The following BTAF1 variants were observed in gnomAD, a reference collection of about 807,000 sequenced individuals.
The protein encoded by BTAF1 is B-TFIID TATA-box binding protein associated factor 1.
A neutral mutation model predicts 227.1 loss-of-function variants in BTAF1; 38 were observed. The observed-to-expected ratio is 0.17, with a 90% CI of 0.13 to 0.22. The LOEUF is 0.22. Ranked by LOEUF, BTAF1 falls within the 10% of genes least tolerant of loss-of-function variation. The pLI is 1.00. For missense variants in BTAF1, 1,598 were observed against 2,204.0 expected, an observed-to-expected ratio of 0.73 and a Z score of 5.51; for synonymous variants, 742 against 751.9, an observed-to-expected ratio of 0.99 and a Z score of 0.21.
chr10:92,001,683 C>A (rs1213556859), intron 25 of BTAF1, among the ~76,000 whole-genome samples: 1 of 151,984 alleles, frequency 6.6e-6, no homozygotes, highest in African/African-American at 2.4e-5. Flanking sequence ...AATACAGCAC[C>A]CAACAACATA....
chr10:91,954,553 GT>G (rs372549424), intron 6 of BTAF1, among the ~76,000 whole-genome samples: 18 of 147,504 alleles, frequency 1.2e-4, no homozygotes, highest in African/African-American at 1.5e-4. Flanking sequence ...AAAAAATGCT[GT>G]TTTTTTTTTG....
Position 91,959,805 on chromosome 10 carries a change from G to A in BTAF1, c.1011G>A (p.Glu337=). The change falls in exon 10 of 38, where the codon GAG becomes GAA. Residue 337 remains glutamate, a synonymous_variant. Coordinates refer to ENST00000265990, the MANE Select transcript of BTAF1 (RefSeq NM_003972.3). ...AACAGATGATTCAGCAGCATCAAGA[G>A]TGGTTGGAAGACTTGGTTATTAGAC... is the stretch of plus-strand genomic sequence containing the variant. ...TLEEMIQQHQ[E]WLEDLVIRLL... 1 of 1,592,202 alleles carries A rather than the reference G, an allele frequency of 6.3e-7. No individual in the cohort carries two copies. Among genetic ancestry groups the A allele is most frequent in the Non-Finnish European group, 8.5e-7 (1 of 1,169,834 alleles).
Position 91,956,619 on chromosome 10 carries a change from A to T in BTAF1, c.793A>T (p.Ile265Phe). ...GTCTGCAAATGATTCCAAAGTCTTG[A>T]TTGATAATATTCCAGACAGCTCTTC... The part of the protein sequence containing the change: ...NQSANDSKVL[I>F]DNIPDSSSLI... The change falls in exon 7 of 38, where the codon ATT becomes TTT. Residue 265 changes from isoleucine to phenylalanine, a missense_variant. By Grantham distance (21) the Ile-to-Phe change is conservative. Coordinates refer to ENST00000265990, the MANE Select transcript of BTAF1 (RefSeq NM_003972.3). The T allele has an allele frequency of 6.2e-7, 1 of 1,610,200 alleles. No homozygotes were observed. The highest frequency in any genetic ancestry group is 8.5e-7 in the Non-Finnish European group (1 of 1,178,864).
intron 34 of BTAF1, among the ~76,000 whole-genome samples, chr10:92,019,943 A>G (rs902120043): frequency 2.7e-5 from 4 of 146,214 alleles, no homozygotes; most frequent in Admixed American, 1.4e-4. Context: ...GCTGGTCTTG[A>G]ACTCCTGGCC....
At chr10:92,014,483 T>A (rs1850568216) in intron 32 of BTAF1, among the ~76,000 whole-genome samples, 1 of 152,176 alleles carries the variant, frequency 6.6e-6, no homozygotes, top group South Asian at 2.1e-4. Context: ...CACCTTGGCC[T>A]TCCAAAGTGC....
chr10:91,954,448 C>A (rs1014030232), intron 6 of BTAF1, among the ~76,000 whole-genome samples: 4 of 152,006 alleles, frequency 2.6e-5, no homozygotes, highest in African/African-American at 9.7e-5. Context: ...TCATAAGTTA[C>A]TAAAAGTGAT....
chr10:91,981,512 CTA>C, intron 15 of BTAF1, 129 bp from the exon 16 acceptor site: 1 of 960,812 alleles, frequency 1.0e-6, no homozygotes, highest in Non-Finnish European at 1.5e-6. Context: ...AAATAAGCCT[CTA>C]TATTGAATTT....
chr10:91,975,011 A>G (rs1465233641), intron 14 of BTAF1, among the ~76,000 whole-genome samples: 2 of 152,170 alleles, frequency 1.3e-5, no homozygotes, highest in African/African-American at 4.8e-5. Context: ...TACGTGCTAG[A>G]GTACACCTAT....
At chr10:91,935,810 A>G (rs1844568993) in intron 2 of BTAF1, 30 bp downstream of exon 2, 4 of 1,557,958 alleles carry the variant, frequency 2.6e-6, no homozygotes, top group Non-Finnish European at 3.5e-6. Context: ...TTTTAGCATA[A>G]TACAATTGTA....
intron 22 of BTAF1, 36 bp downstream of exon 22, chr10:91,993,883 A>C: frequency 6.7e-7 from 1 of 1,492,700 alleles, no homozygotes; most frequent in Non-Finnish European, 9.1e-7. Flanking sequence ...GTTTTTAACA[A>C]ATTTTAATGT....
intron 32 of BTAF1, among the ~76,000 whole-genome samples, 181 bp from the exon 33 acceptor site, chr10:92,016,159 G>A (rs1419487990): frequency 3.9e-5 from 6 of 152,120 alleles, no homozygotes; most frequent in African/African-American, 1.4e-4. Context: ...AATTTTAAAG[G>A]AATTTACCAA....
intron 11 of BTAF1, 78 bp from the exon 12 acceptor site, chr10:91,962,460 C>A: frequency 9.3e-7 from 1 of 1,077,804 alleles, no homozygotes; most frequent in Non-Finnish European, 1.3e-6. Context: ...TGTCATGTGG[C>A]AAATTTAAAT....
At chr10:91,951,216 A>G (rs544449846) in intron 4 of BTAF1, among the ~76,000 whole-genome samples, 187 bp from the exon 5 acceptor site, 3 of 152,214 alleles carry the variant, frequency 2.0e-5, no homozygotes, top group Non-Finnish European at 2.9e-5. Flanking sequence ...ATGTTTTGTT[A>G]ACTAGACCAG....
At chr10:91,931,901 G>A (rs1456215631) in intron 1 of BTAF1, among the ~76,000 whole-genome samples, 1 of 152,206 alleles carries the variant, frequency 6.6e-6, no homozygotes, top group Non-Finnish European at 1.5e-5. Flanking sequence ...GCATTCTTGT[G>A]TCTCCATTCC....
At chr10:92,026,044 T>C (rs980187254) in intron 35 of BTAF1, among the ~76,000 whole-genome samples, 6 of 152,172 alleles carry the variant, frequency 3.9e-5, no homozygotes, top group Non-Finnish European at 7.4e-5. Flanking sequence ...AATAAAATAA[T>C]GCATATAAAG....
At chr10:91,978,022 C>T (rs1224786725) in intron 14 of BTAF1, among the ~76,000 whole-genome samples, 1 of 152,126 alleles carries the variant, frequency 6.6e-6, no homozygotes, top group African/African-American at 2.4e-5. Context: ...ACATTATTAT[C>T]AACCAAAGTC....
At position 91,997,650 on chromosome 10, in the gene BTAF1, T is replaced by C. The variant is rs1430100258; in HGVS notation, c.3559T>C (p.Leu1187=). The C allele has an allele frequency of 6.2e-7, 1 of 1,613,854 alleles. No individual in the cohort carries two copies. The highest frequency in any genetic ancestry group is 2.2e-5 in the East Asian group (1 of 44,880). The change falls in exon 25 of 38, where the codon TTA becomes CTA. Residue 1187 remains leucine (L), a synonymous_variant. Transcript: ENST00000265990. ...DVGIVPYIVL[L]VVPVLGRMSD... ...TGGTATTGTTCCATATATTGTCCTTTTAGTTGTTCCTGTATTAGGAAGAAT... is the reference window on the plus strand; with the variant it reads ...TGGTATTGTTCCATATATTGTCCTTCTAGTTGTTCCTGTATTAGGAAGAAT...
chr10:91,992,134 A>G lies in BTAF1; in HGVS notation c.2870A>G (p.Lys957Arg), dbSNP rs866457763. ...TTCTTATTAGGATCCACCTCAGAAA[A>G]AGATGGAATGCACCATACTGTCACC... Reference protein sequence around the residue: ...QENSKGSTSEKDGMHHTVTKH... With the variant: ...QENSKGSTSERDGMHHTVTKH... The change falls in exon 21 of 38, where the codon AAA becomes AGA. Residue 957 changes from lysine to arginine, a missense_variant. Lys to Arg is a conservative substitution (Grantham distance 26). Around this residue, in one of 10 missense-constraint regions of BTAF1, gnomAD observed 425 missense variants for 491.2 expected, o/e 0.87. Coordinates refer to ENST00000265990, the MANE Select transcript of BTAF1 (RefSeq NM_003972.3). The G allele has an allele frequency of 6.4e-7, 1 of 1,572,252 alleles. No individual in the cohort carries two copies. The highest frequency in any genetic ancestry group is 1.2e-5 in the South Asian group (1 of 84,218).
At chr10:92,012,389 A>G (rs1022076710) in intron 30 of BTAF1, among the ~76,000 whole-genome samples, 23 of 135,294 alleles carry the variant, frequency 1.7e-4, no homozygotes, top group Non-Finnish European at 3.4e-4. Flanking sequence ...TGGGGCCACA[A>G]GTGTTAGTGT....
Sources: gnomAD v4.1 joint callset for allele counts (sites outside exome capture counted in the v4.1 genomes callset) on GRCh38, gnomAD v4.1.1 for gene constraint, gnomAD v4.1.1 regional missense constraint, MANE v1.5 for transcripts, NCBI Gene and HGNC (gene_info 2026-07-23, HGNC 2026-07-21) for gene names.